The following PPP3CA variants were observed in gnomAD, a reference collection of about 807,000 sequenced individuals.
The protein encoded by PPP3CA is protein phosphatase 3 catalytic subunit alpha.
In PPP3CA, 14 loss-of-function variants were observed where a neutral mutation model predicts 66.5. The observed-to-expected ratio is 0.21, with a 90% CI of 0.14 to 0.33. The LOEUF (loss-of-function observed/expected upper bound fraction) is 0.33. PPP3CA is among the 10% of genes least tolerant of loss of function. The pLI, the probability that PPP3CA is intolerant of heterozygous loss-of-function variation, is 1.00. For missense variants in PPP3CA, 317 were observed against 639.5 expected, an observed-to-expected ratio of 0.50 and a Z score of 5.44; for synonymous variants, 232 against 226.2, an observed-to-expected ratio of 1.03 and a Z score of -0.23.
At chr4:101,297,571 A>G (rs955306842) in intron 1 of PPP3CA, among the ~76,000 whole-genome samples, 1 of 152,162 alleles carries the variant, frequency 6.6e-6, no homozygotes, top group Non-Finnish European at 1.5e-5. Context: ...TGTCAGGAAG[A>G]GGAACCCACT....
intron 2 of PPP3CA, among the ~76,000 whole-genome samples, chr4:101,181,464 T>C (rs997951932): frequency 6.6e-6 from 1 of 151,978 alleles, no homozygotes; most frequent in Non-Finnish European, 1.5e-5. Flanking sequence ...ACTTAGAATA[T>C]AAAGGGAAAA....
At chr4:101,102,270 G>A (rs551052984) in intron 3 of PPP3CA, among the ~76,000 whole-genome samples, 2 of 150,928 alleles carry the variant, frequency 1.3e-5, no homozygotes, top group Admixed American at 6.6e-5. Flanking sequence ...GGAAGGAAGG[G>A]AGGGAGGAAG....
rs142420340 is a variant in PPP3CA, at chr4:101,310,579, G to A, written c.58+36160C>T. On this transcript the variant is annotated intron_variant, in intron 1 of 13. Coordinates refer to ENST00000394854, the MANE Select transcript of PPP3CA (RefSeq NM_000944.5). Reference sequence around the variant, plus strand: ...TTCTAGCTACTCAAGAGGCTGAGGTGGGAGGATCACTTCAGCCCAGGAGTT... The same window carrying A: ...TTCTAGCTACTCAAGAGGCTGAGGTAGGAGGATCACTTCAGCCCAGGAGTT... 8.5e-3 allele frequency among the ~76,000 whole-genome samples: 1,300 copies of A among 152,154 alleles called. 18 individuals are homozygous for A. The highest frequency in any genetic ancestry group is 0.031 in the Middle Eastern group (9 of 294).
At chr4:101,180,604 A>C (rs1268807567) in intron 2 of PPP3CA, among the ~76,000 whole-genome samples, 2 of 152,292 alleles carry the variant, frequency 1.3e-5, no homozygotes, top group East Asian at 3.9e-4. Flanking sequence ...ATCAATAATT[A>C]GCATTATATC....
At chr4:101,092,735 A>G (rs1337364258) in intron 6 of PPP3CA, among the ~76,000 whole-genome samples, 2 of 151,926 alleles carry the variant, frequency 1.3e-5, no homozygotes, top group African/African-American at 4.8e-5. Context: ...GGCAAAAATA[A>G]TAGTTCTTAT....
chr4:101,065,125 T>C (rs191298832), intron 8 of PPP3CA, among the ~76,000 whole-genome samples: 13 of 152,142 alleles, frequency 8.5e-5, no homozygotes, highest in African/African-American at 3.1e-4. Flanking sequence ...CATTGCTTTA[T>C]CATTTATGCC....
intron 2 of PPP3CA, among the ~76,000 whole-genome samples, chr4:101,164,799 T>C (rs1723638430): frequency 6.6e-6 from 1 of 152,104 alleles, no homozygotes; most frequent in African/African-American, 2.4e-5. Context: ...AGGCATTAAA[T>C]TAAACCAATA....
At chr4:101,301,709 G>A (rs1263103884) in intron 1 of PPP3CA, among the ~76,000 whole-genome samples, 1 of 148,886 alleles carries the variant, frequency 6.7e-6, no homozygotes, top group East Asian at 1.9e-4. Context: ...GGCCAGGCTG[G>A]TCTTAGCTCC....
chr4:101,238,249 CTA>C (rs1446633702), intron 1 of PPP3CA, among the ~76,000 whole-genome samples: 1 of 152,036 alleles, frequency 6.6e-6, no homozygotes, highest in Non-Finnish European at 1.5e-5. Context: ...CTATATGTCA[CTA>C]TATTATTTGA....
At chr4:101,188,618 T>C (rs1430003454) in intron 2 of PPP3CA, among the ~76,000 whole-genome samples, 1 of 152,176 alleles carries the variant, frequency 6.6e-6, no homozygotes, top group Non-Finnish European at 1.5e-5. Context: ...GTTTGCTACA[T>C]AGACCTTTTA....
chr4:101,278,144 A>AAATAAAT (rs61328559), intron 1 of PPP3CA, among the ~76,000 whole-genome samples: 188 of 145,248 alleles, frequency 1.3e-3, no homozygotes, highest in African/African-American at 4.6e-3. Context: ...AAAAAATAAA[A>AAATAAAT]AAATTAAAAA....
intron 1 of PPP3CA, among the ~76,000 whole-genome samples, chr4:101,203,203 G>C (rs1725022781): frequency 6.6e-6 from 1 of 152,136 alleles, no homozygotes; most frequent in East Asian, 1.9e-4. Context: ...CTAATTAAAT[G>C]AATTATTCCT....
intron 1 of PPP3CA, among the ~76,000 whole-genome samples, chr4:101,289,378 C>G (rs1727947360): frequency 6.6e-6 from 1 of 152,180 alleles, no homozygotes; most frequent in African/African-American, 2.4e-5. Context: ...AATGCGTAAC[C>G]TATTTATCCA....
chr4:101,212,856 G>C (rs1725340842), intron 1 of PPP3CA, among the ~76,000 whole-genome samples: 4 of 151,754 alleles, frequency 2.6e-5, no homozygotes, highest in Admixed American at 2.0e-4. Flanking sequence ...AAAAAATCTG[G>C]GTGGGCAGGA....
chr4:101,036,735 G>A (rs1415639193), intron 11 of PPP3CA, among the ~76,000 whole-genome samples: 1 of 151,962 alleles, frequency 6.6e-6, no homozygotes. Flanking sequence ...TCTAACCCTC[G>A]CCTCTCTCTG....
At chr4:101,189,473 T>C (rs1482553232) in intron 2 of PPP3CA, among the ~76,000 whole-genome samples, 3 of 151,946 alleles carry the variant, frequency 2.0e-5, no homozygotes, top group African/African-American at 7.3e-5. Context: ...AACATTAACC[T>C]CCACCCCCAA....
Position 101,093,704 on chromosome 4 carries a change from C to A in PPP3CA, c.782+72G>T, listed in dbSNP as rs1050751745. ...AGTAATACAAACATTATAAATAAAT[C>A]AAACACATGGACTGATAAATCCTAG... is the stretch of plus-strand genomic sequence containing the variant. On this transcript the variant is annotated intron_variant, in intron 6 of 13. Transcript: ENST00000394854. 7 of 1,345,612 alleles carry A rather than the reference C, an allele frequency of 5.2e-6. No homozygotes were observed. In the African/African-American group the frequency reaches 7.4e-5, roughly 14 times the overall value. 83.4% of individuals were successfully genotyped at this position (1,345,612 alleles called of 1,614,324 possible). A position where few individuals can be genotyped will look rare whatever the true frequency, so the allele number is the denominator to read the frequency against.
chr4:101,317,798 C>A (rs1728926143), intron 1 of PPP3CA, among the ~76,000 whole-genome samples: 1 of 152,192 alleles, frequency 6.6e-6, no homozygotes, highest in Non-Finnish European at 1.5e-5. Flanking sequence ...ACAGTGGGCT[C>A]TGAAACCGAT....
At chr4:101,226,125 A>G (rs568467375) in intron 1 of PPP3CA, among the ~76,000 whole-genome samples, 1 of 151,860 alleles carries the variant, frequency 6.6e-6, no homozygotes, top group Admixed American at 6.6e-5. Context: ...GAAGGTCTTT[A>G]ACACTAGTGA....
Sources: allele counts gnomAD v4.1 joint callset (sites outside exome capture counted in the v4.1 genomes callset), GRCh38; gene constraint gnomAD v4.1.1; transcripts MANE v1.5; gene names NCBI Gene and HGNC (gene_info 2026-07-23, HGNC 2026-07-21).